MCM2: variants seen among roughly 807,000 people sequenced by gnomAD.
The protein encoded by MCM2 is minichromosome maintenance complex component 2, also known as DNA replication licensing factor MCM2.
A neutral mutation model predicts 86.4 loss-of-function variants in MCM2; 49 were observed. The observed-to-expected ratio is 0.57, with a 90% CI of 0.45 to 0.72. The LOEUF is 0.72. Among genes scored for constraint, MCM2 ranks in the 30% least tolerant of loss-of-function variants. The pLI is 0.00. For synonymous variants in MCM2, 475 were observed against 484.6 expected (o/e 0.98, Z 0.26); for missense variants, 1,038 against 1,259.9 (o/e 0.82, Z 2.67).
rs778766886 is a variant in MCM2 at position 127,615,824 on chromosome 3, T to C, written c.1429-38T>C. 7 of 1,470,764 alleles carry C rather than the reference T, an allele frequency of 4.8e-6. No individual in the cohort carries two copies. The South Asian group carries it at 6.8e-5, about 14-fold the overall frequency. The allele number at this position is 1,470,764 out of a possible 1,614,324, so 91.1% of individuals were successfully genotyped here. A position where few individuals can be genotyped will look rare whatever the true frequency, so the allele number is the denominator to read the frequency against. On this transcript the variant is annotated intron_variant, in intron 8 of 15. Transcript: ENST00000265056. ...ATGTGGGTGACCTACTCTGTGAGTA[T>C]CTGTTCCCATTCTTGTCGGTCTCCC...
chr3:127,599,778 C>T (rs17538419), intron 2 of MCM2, among the ~76,000 whole-genome samples: 1 of 152,106 alleles, frequency 6.6e-6, no homozygotes, highest in African/African-American at 2.4e-5. Context: ...GGATAAGCCC[C>T]GACTCCATAA....
At position 127,616,647 on chromosome 3, in the gene MCM2, C is replaced by T. The variant is rs17497125; in HGVS notation, c.1523-221C>T. ...TAGATTGTTTCTGATATTTCACATT[C>T]GCCAAGGACATCTCGTGCAACCCTC... On this transcript the variant is annotated intron_variant, in intron 9 of 15. Transcript: ENST00000265056. Among the ~76,000 whole-genome samples, 1,114 of 152,376 alleles carry T rather than the reference C, an allele frequency of 7.3e-3. 13 individuals carry two copies. The highest frequency in any genetic ancestry group is 0.021 in the South Asian group (100 of 4,832).
chr3:127,620,178 T>C (rs1030710844), intron 13 of MCM2, among the ~76,000 whole-genome samples: 1 of 152,186 alleles, frequency 6.6e-6, no homozygotes, highest in Non-Finnish European at 1.5e-5. Context: ...TCATTCATAG[T>C]GGAATGGAAA....
intron 1 of MCM2, chr3:127,598,806 TA>T (rs1456877936): frequency 2.5e-6 from 1 of 407,968 alleles, no homozygotes; most frequent in Non-Finnish European, 4.4e-6. Context: ...TTTTTTTTTT[TA>T]ATTTCCCAAT....
At position 127,606,528 on chromosome 3, in the gene MCM2, A is replaced by G. The variant is rs2074351849; in HGVS notation, c.894-82A>G. The G allele has an allele frequency of 5.7e-6, 8 of 1,394,308 alleles. No individual in the cohort carries two copies. The Admixed American group carries it at 1.1e-4, about 18-fold the overall frequency. The allele number at this position is 1,394,308 out of a possible 1,614,324, so 86.4% of individuals were successfully genotyped here. A position where few individuals can be genotyped will look rare whatever the true frequency, so the allele number is the denominator to read the frequency against. The stretch of plus-strand genomic sequence containing the variant: ...GGGCTGGGGGCTGGGCCCAATTTCC[A>G]GGACAGTGTGTTGGGACACTCTCGT... On this transcript the variant is annotated intron_variant, in intron 5 of 15. Transcript: ENST00000265056. The surrounding 1 kb of genome is among the most constrained non-coding windows in gnomAD (Gnocchi z 4.2).
chr3:127,605,222 G>T, intron 4 of MCM2, 66 bp downstream of exon 4: 12 of 1,572,320 alleles, frequency 7.6e-6, no homozygotes, highest in Middle Eastern at 2.0e-4. Flanking sequence ...CCAGAAAGTT[G>T]TCTGAGCCGA....
At chr3:127,620,495 A>G (rs1358244131) in intron 13 of MCM2, among the ~76,000 whole-genome samples, 1 of 152,236 alleles carries the variant, frequency 6.6e-6, no homozygotes, top group Non-Finnish European at 1.5e-5. Flanking sequence ...GGCCGTAAGC[A>G]TGCAGCATCC....
In MCM2 at chr3:127,617,211, G is replaced by T; in HGVS notation, c.1774-68G>T. The T allele has an allele frequency of 6.2e-7, 1 of 1,607,212 alleles. No individual in the cohort carries two copies. The highest frequency in any genetic ancestry group is 8.5e-7 in the Non-Finnish European group (1 of 1,175,206). ...GGAATGGTGTTAATGGGGTCCATTG[G>T]GACCTCATCGGAGACTTAGTAGTAG... On this transcript the variant is annotated intron_variant, in intron 10 of 15. Transcript: ENST00000265056. The surrounding 1 kb of genome is among the most constrained non-coding windows in gnomAD (Gnocchi z 4.1).
At position 127,603,913 on chromosome 3, in the gene MCM2, G is replaced by A. The variant is rs9836152; in HGVS notation, c.237-695G>A. On this transcript the variant is annotated intron_variant, in intron 2 of 15. Coordinates refer to ENST00000265056, the MANE Select transcript of MCM2 (RefSeq NM_004526.4). ...TTGACTTCGTGATTCATCCGCCTTG[G>A]CCTCCCAAAGTGCTGGGATTACAGG... is the stretch of plus-strand genomic sequence containing the variant. 5.3e-3 allele frequency among the ~76,000 whole-genome samples: 810 copies of A among 151,996 alleles called. 4 individuals are homozygous for A. Among genetic ancestry groups the A allele is most frequent in the African/African-American group, 0.018 (739 of 41,460 alleles).
At chr3:127,599,229 A>G in intron 1 of MCM2, 89 bp from the exon 2 acceptor site, 1 of 1,055,728 alleles carries the variant, frequency 9.5e-7, no homozygotes, top group Non-Finnish European at 1.4e-6. Flanking sequence ...GGTGGAGAGA[A>G]AGAAGGGAAG....
chr3:127,608,288 G>A (rs1473039758), intron 6 of MCM2, 94 bp from the exon 7 acceptor site: 3 of 1,511,994 alleles, frequency 2.0e-6, no homozygotes, highest in Admixed American at 3.6e-5. Flanking sequence ...CCACTCAGGA[G>A]TCGGAATCCT....
chr3:127,611,649 C>G (rs1450455937), intron 8 of MCM2, among the ~76,000 whole-genome samples: 1 of 147,880 alleles, frequency 6.8e-6, no homozygotes, highest in Non-Finnish European at 1.5e-5. Flanking sequence ...GATTCCATCT[C>G]CAGCAGGAAG....
At chr3:127,611,375 A>T (rs2074393570) in intron 8 of MCM2, among the ~76,000 whole-genome samples, 1 of 152,150 alleles carries the variant, frequency 6.6e-6, no homozygotes, top group Non-Finnish European at 1.5e-5. Context: ...CTTTGCCTTG[A>T]GCTTCAGCCA....
At chr3:127,620,924 A>T in intron 14 of MCM2, 44 bp downstream of exon 14, 1 of 1,576,934 alleles carries the variant, frequency 6.3e-7, no homozygotes, top group Non-Finnish European at 8.6e-7. Context: ...AAGCTCAGTG[A>T]AGGAGGCCAC....
In MCM2 at chr3:127,608,424, C is replaced by T. The variant is rs771959565; in HGVS notation, c.1144C>T (p.Pro382Ser). ...CCAGCGTATCCGAATCCAGGAGAGTCCAGGCAAAGTGGCGGCTGGCCGGCT... is the reference window on the plus strand; with the variant it reads ...CCAGCGTATCCGAATCCAGGAGAGTTCAGGCAAAGTGGCGGCTGGCCGGCT... ...NYQRIRIQES[P>S]GKVAAGRLPR... The change falls in exon 7 of 16, where the codon CCA becomes TCA. Residue 382 changes from proline (P) to serine (S), a missense_variant. Pro to Ser is a moderately conservative substitution (Grantham distance 74). This residue lies in a region of MCM2 where 399 missense variants were observed against 507.2 expected (regional missense o/e 0.79). Coordinates refer to ENST00000265056, the MANE Select transcript of MCM2 (RefSeq NM_004526.4). The T allele has an allele frequency of 6.2e-7, 1 of 1,614,244 alleles. No homozygotes were observed. The highest frequency in any genetic ancestry group is 8.5e-7 in the Non-Finnish European group (1 of 1,180,042).
At chr3:127,614,365 T>G (rs2074419144) in intron 8 of MCM2, among the ~76,000 whole-genome samples, 1 of 152,244 alleles carries the variant, frequency 6.6e-6, no homozygotes, top group African/African-American at 2.4e-5. Flanking sequence ...TTTCCCTGAT[T>G]ATCTTACCCC....
intron 2 of MCM2, among the ~76,000 whole-genome samples, chr3:127,601,314 G>A (rs989951113): frequency 1.3e-5 from 2 of 152,286 alleles, no homozygotes; most frequent in South Asian, 2.1e-4. Context: ...GCCTTTTGGC[G>A]ATTATGAATA....
At chr3:127,605,177 C>G (rs372824305) in intron 4 of MCM2, 21 bp downstream of exon 4, 4 of 1,606,154 alleles carry the variant, frequency 2.5e-6, no homozygotes, top group South Asian at 1.1e-5. Context: ...CCTACGCCCC[C>G]GCCTCAGCCC....
chr3:127,604,920 G>A lies in MCM2; in HGVS notation c.437G>A (p.Arg146His), dbSNP rs190889381. The A allele has an allele frequency of 1.6e-5, 26 of 1,612,846 alleles. No homozygotes were observed. The Admixed American group carries it at 1.8e-4, about 11-fold the overall frequency. ...LYDSDEEDEE[R>H]PARKRRQVER... ...GACAGCGATGAGGAGGACGAGGAGCGCCCTGCCCGCAAGCGCCGCCAGGTG... is the reference window on the plus strand; with the variant it reads ...GACAGCGATGAGGAGGACGAGGAGCACCCTGCCCGCAAGCGCCGCCAGGTG... The change falls in exon 4 of 16, where the codon CGC (arginine) becomes CAC (histidine). Residue 146 changes from arginine to histidine, a missense_variant. Physicochemically the swap from Arg to His is conservative, Grantham distance 29 (BLOSUM62 0). Around this residue, in one of 4 missense-constraint regions of MCM2, gnomAD observed 300 missense variants for 307.4 expected, o/e 0.98. Transcript: ENST00000265056.
Sources: gnomAD v4.1 joint callset for allele counts (sites outside exome capture counted in the v4.1 genomes callset) on GRCh38, gnomAD v4.1.1 for gene constraint, gnomAD v4.1.1 regional missense constraint, Gnocchi (gnomAD v3.1) non-coding constraint, MANE v1.5 for transcripts, NCBI Gene and HGNC (gene_info 2026-07-23, HGNC 2026-07-21) for gene names.